HEMK2: variants seen among roughly 807,000 people sequenced by gnomAD.
HEMK2 encodes HemK methyltransferase 2, ETF1 glutamine and histone H4 lysine.
At chr21:28,800,505 C>T in the HEMK2 span, among the ~76,000 whole-genome samples, 2 of 151,940 alleles carry the variant, frequency 1.3e-5, no homozygotes, top group South Asian at 2.1e-4. Context: ...AATGCATGTA[C>T]ATATATATGC....
At chr21:28,738,974 A>T in the HEMK2 span, among the ~76,000 whole-genome samples, 2 of 152,236 alleles carry the variant, frequency 1.3e-5, no homozygotes, top group African/African-American at 4.8e-5. Context: ...ACCACATTGA[A>T]ATTGTGAGTG....
the HEMK2 span, among the ~76,000 whole-genome samples, chr21:28,877,963 T>C: frequency 6.6e-6 from 1 of 152,164 alleles, no homozygotes; most frequent in East Asian, 1.9e-4. Context: ...TATTAGGTTA[T>C]AAACGGGGAA....
At chr21:28,671,689 C>T in the HEMK2 span, among the ~76,000 whole-genome samples, 10 of 152,100 alleles carry the variant, frequency 6.6e-5, no homozygotes, top group African/African-American at 2.2e-4. Context: ...AGCTGAGTTT[C>T]GTATAGCAAT....
the HEMK2 span, among the ~76,000 whole-genome samples, chr21:28,657,359 T>C: frequency 4.9e-4 from 75 of 152,180 alleles, no homozygotes; most frequent in Non-Finnish European, 1.6e-4. Context: ...TTACTGTTTA[T>C]CCAAAAGGAC....
the HEMK2 span, among the ~76,000 whole-genome samples, chr21:28,784,133 A>G: frequency 6.6e-6 from 1 of 152,160 alleles, no homozygotes; most frequent in Non-Finnish European, 1.5e-5. Flanking sequence ...CCAAGAGCTG[A>G]AGAGTGCGGG....
chr21:28,809,925 T>C, the HEMK2 span, among the ~76,000 whole-genome samples: 3 of 152,140 alleles, frequency 2.0e-5, no homozygotes, highest in South Asian at 2.1e-4. Context: ...AGGTTATCCA[T>C]TTCTGGGCAC....
At chr21:28,636,472 G>A in the HEMK2 span, among the ~76,000 whole-genome samples, 182 of 151,968 alleles carry the variant, frequency 1.2e-3, no homozygotes, top group Non-Finnish European at 2.1e-3. Context: ...GCTTTCCGTT[G>A]ATCCACCAAA....
chr21:28,601,250 G>A, the HEMK2 span, among the ~76,000 whole-genome samples: 1 of 152,088 alleles, frequency 6.6e-6, no homozygotes. Flanking sequence ...ATCTCACTGG[G>A]CGCAAACCTC....
chr21:28,653,904 T>C, the HEMK2 span, among the ~76,000 whole-genome samples: 1 of 152,180 alleles, frequency 6.6e-6, no homozygotes, highest in African/African-American at 2.4e-5. Context: ...AAGAAAAAAC[T>C]GTAAACTATC....
chr21:28,585,042 C>T, the HEMK2 span, among the ~76,000 whole-genome samples: 1 of 152,076 alleles, frequency 6.6e-6, no homozygotes, highest in Non-Finnish European at 1.5e-5. Flanking sequence ...GAGGTGATTG[C>T]CAGTATATGC....
At chr21:28,629,093 T>C in the HEMK2 span, among the ~76,000 whole-genome samples, 1 of 152,154 alleles carries the variant, frequency 6.6e-6, no homozygotes, top group Non-Finnish European at 1.5e-5. Flanking sequence ...TCCCTCCCCA[T>C]ACACAAGGAC....
chr21:28,880,543 C>A, the HEMK2 span, among the ~76,000 whole-genome samples: 1 of 151,982 alleles, frequency 6.6e-6, no homozygotes, highest in Non-Finnish European at 1.5e-5. Context: ...ACCAGCCTCG[C>A]CAACCCATGG....
chr21:28,627,007 T>A, the HEMK2 span, among the ~76,000 whole-genome samples: 1 of 152,220 alleles, frequency 6.6e-6, no homozygotes, highest in Non-Finnish European at 1.5e-5. Flanking sequence ...AACAGCTGAA[T>A]GAATATGCCA....
chr21:28,701,460 T>A, the HEMK2 span, among the ~76,000 whole-genome samples: 2 of 151,756 alleles, frequency 1.3e-5, no homozygotes, highest in African/African-American at 4.8e-5. Context: ...TATACAAAAT[T>A]AATGTACAAA....
chr21:28,859,295 CT>C, the HEMK2 span, among the ~76,000 whole-genome samples: 3 of 152,002 alleles, frequency 2.0e-5, no homozygotes, highest in Admixed American at 6.6e-5. Flanking sequence ...TCCATCTGCT[CT>C]TTTTTTTCCT....
At chr21:28,726,649 C>T in the HEMK2 span, among the ~76,000 whole-genome samples, 1 of 152,042 alleles carries the variant, frequency 6.6e-6, no homozygotes, top group Non-Finnish European at 1.5e-5. Flanking sequence ...GGCTCATGCC[C>T]GTAATCCCAG....
chr21:28,829,760 A>C, the HEMK2 span, among the ~76,000 whole-genome samples: 1 of 152,214 alleles, frequency 6.6e-6, no homozygotes, highest in Non-Finnish European at 1.5e-5. Context: ...TCCCTAGACC[A>C]ATTAGTTTAC....
At chr21:28,850,968 T>TGCCCTCTGGACCTGCTAGA in the HEMK2 span, among the ~76,000 whole-genome samples, 5 of 151,786 alleles carry the variant, frequency 3.3e-5, no homozygotes, top group African/African-American at 1.2e-4. Flanking sequence ...AACTTACTTG[T>TGCCCTCTGGACCTGCTAGA]GCCCAGATGC....
At chr21:28,592,169 A>G in the HEMK2 span, among the ~76,000 whole-genome samples, 3 of 152,346 alleles carry the variant, frequency 2.0e-5, no homozygotes, top group South Asian at 2.1e-4. Context: ...TCCCACCAAC[A>G]GTGTATAAAT....
Sources: allele counts gnomAD v4.1 joint callset (sites outside exome capture counted in the v4.1 genomes callset), GRCh38; gene constraint gnomAD v4.1.1; transcripts MANE v1.5; gene names NCBI Gene and HGNC (gene_info 2026-07-23, HGNC 2026-07-21).